DNAH6: variants seen among roughly 807,000 people sequenced by gnomAD.
DNAH6 encodes the protein dynein axonemal heavy chain 6.
A neutral mutation model predicts 491.4 loss-of-function variants in DNAH6; 340 were observed. The observed-to-expected ratio is 0.69, with a 90% CI of 0.63 to 0.76. DNAH6 has a LOEUF of 0.76. DNAH6 is among the 30% of genes least tolerant of loss of function. The pLI is 0.00. For synonymous variants in DNAH6, 1,603 were observed against 1,686.1 expected, an observed-to-expected ratio of 0.95 and a Z score of 1.21; for missense variants, 4,443 against 4,972.2, an observed-to-expected ratio of 0.89 and a Z score of 3.20.
chr2:84,667,253 C>T (rs1260847565), intron 37 of DNAH6, among the ~76,000 whole-genome samples: 3 of 152,118 alleles, frequency 2.0e-5, no homozygotes, highest in African/African-American at 7.2e-5. Context: ...CAAATGGGAT[C>T]TAATTAAACT....
rs1473942203 is a variant in DNAH6 at position 84,611,912 on chromosome 2, T to G, written c.3475+58T>G. 5 of 1,428,978 alleles carry G rather than the reference T, an allele frequency of 3.5e-6. No individual in the cohort carries two copies. In the East Asian group the frequency reaches 1.2e-4, roughly 36 times the overall value. 88.5% of individuals were successfully genotyped at this position (1,428,978 alleles called of 1,614,324 possible). On this transcript the variant is annotated intron_variant, in intron 22 of 76. Coordinates refer to ENST00000389394, the MANE Select transcript of DNAH6 (RefSeq NM_001370.2). Reference sequence around the variant, plus strand: ...CTACAATCTTTTAGTAGTCTGGGACTTTAGTCCCAGACTAAAATGTTTCTC... The same window carrying G: ...CTACAATCTTTTAGTAGTCTGGGACGTTAGTCCCAGACTAAAATGTTTCTC...
At chr2:84,815,563 A>G (rs143819084) in intron 75 of DNAH6, among the ~76,000 whole-genome samples, 8 of 152,298 alleles carry the variant, frequency 5.3e-5, no homozygotes, top group Middle Eastern at 3.4e-3. Flanking sequence ...ATTATTGCAG[A>G]TATATAATCT....
chr2:84,507,184 C>A, the DNAH6 span, among the ~76,000 whole-genome samples: 5 of 152,094 alleles, frequency 3.3e-5, no homozygotes, highest in African/African-American at 1.2e-4. Flanking sequence ...AATATTGATT[C>A]TTCCTACCCA....
chr2:84,798,808 C>T (rs780088563), intron 70 of DNAH6, among the ~76,000 whole-genome samples: 10 of 152,146 alleles, frequency 6.6e-5, no homozygotes, highest in Non-Finnish European at 4.4e-5. Context: ...CAGTGCTTGA[C>T]CCCTAGGGGC....
At chr2:84,643,143 G>A (rs1314892957) in intron 33 of DNAH6, among the ~76,000 whole-genome samples, 1 of 152,112 alleles carries the variant, frequency 6.6e-6, no homozygotes, top group Non-Finnish European at 1.5e-5. Flanking sequence ...ATTTCACAGG[G>A]TACAGAATTC....
At chr2:84,727,283 G>C (rs777953079) in intron 60 of DNAH6, among the ~76,000 whole-genome samples, 4 of 152,092 alleles carry the variant, frequency 2.6e-5, no homozygotes, top group Non-Finnish European at 4.4e-5. Flanking sequence ...AGAAAGGGGA[G>C]TGTAGAAAAC....
At chr2:84,751,539 T>G (rs1673475105) in intron 63 of DNAH6, among the ~76,000 whole-genome samples, 1 of 152,226 alleles carries the variant, frequency 6.6e-6, no homozygotes, top group African/African-American at 2.4e-5. Context: ...ATAGGCTCAT[T>G]AGAACTGCAA....
the DNAH6 span, among the ~76,000 whole-genome samples, chr2:84,464,203 G>C: frequency 6.6e-6 from 1 of 152,118 alleles, no homozygotes; most frequent in Admixed American, 6.5e-5. Flanking sequence ...GGCCTGTTTT[G>C]CTCTGATTCT....
At chr2:84,695,511 G>C (rs1207586244) in intron 46 of DNAH6, among the ~76,000 whole-genome samples, 2 of 152,066 alleles carry the variant, frequency 1.3e-5, no homozygotes, top group African/African-American at 2.4e-5. Context: ...AAAGTTGCAT[G>C]TATAAGAATA....
At chr2:84,616,847 A>T in intron 22 of DNAH6, 39 bp from the exon 23 acceptor site, 1 of 1,143,712 alleles carries the variant, frequency 8.7e-7, no homozygotes, top group Non-Finnish European at 1.2e-6. Flanking sequence ...ATTTGATTTT[A>T]ACACAGTTTT....
intron 30 of DNAH6, among the ~76,000 whole-genome samples, chr2:84,636,502 G>C (rs1688889655): frequency 6.6e-6 from 1 of 152,128 alleles, no homozygotes; most frequent in Non-Finnish European, 1.5e-5. Flanking sequence ...AGTTTCTGGA[G>C]ATCTCAAGAG....
In DNAH6 at chr2:84,624,297, C is replaced by T. The variant is rs1687655010; in HGVS notation, c.4104C>T (p.Gly1368=). ...ATGCCCTAGCTGCAATAGTTCAAGG[C>T]AGTCTTCCTAAATTACACAGAAACA... The part of the protein sequence containing the change: ...RLNALAAIVQ[G]SLPKLHRNIL... The change falls in exon 27 of 77, where the codon GGC becomes GGT. Residue 1368 remains glycine, a synonymous_variant. Transcript: ENST00000389394. 1.3e-6 allele frequency: 2 copies of T among 1,550,778 alleles called. No individual in the cohort carries two copies. Among genetic ancestry groups the T allele is most frequent in the African/African-American group, 2.7e-5 (2 of 73,012 alleles).
intron 64 of DNAH6, among the ~76,000 whole-genome samples, chr2:84,766,439 A>G (rs1359916949): frequency 1.3e-5 from 2 of 152,206 alleles, no homozygotes; most frequent in Non-Finnish European, 2.9e-5. Flanking sequence ...TGTTAAAGGG[A>G]AAACAAAATG....
At chr2:84,595,883 G>GT in intron 18 of DNAH6, 94 bp downstream of exon 18, 3 of 1,280,260 alleles carry the variant, frequency 2.3e-6, no homozygotes, top group South Asian at 3.8e-5. Context: ...CCCTGATTAA[G>GT]TTAGTCAGCT....
At chr2:84,470,677 A>G in the DNAH6 span, among the ~76,000 whole-genome samples, 4 of 152,172 alleles carry the variant, frequency 2.6e-5, no homozygotes, top group African/African-American at 7.2e-5. Context: ...CTGACCTCGT[A>G]TCTCATCCTG....
chr2:84,599,775 T>C (rs2104235999), intron 18 of DNAH6, among the ~76,000 whole-genome samples: 1 of 152,320 alleles, frequency 6.6e-6, no homozygotes, highest in South Asian at 2.1e-4. Flanking sequence ...AGCTAGTAAG[T>C]GTTGAAATCA....
intron 7 of DNAH6, 135 bp downstream of exon 7, chr2:84,547,747 AAATTT>A (rs2104540731): frequency 1.0e-6 from 1 of 980,466 alleles, no homozygotes; most frequent in East Asian, 2.6e-5. Context: ...TGGATATTAT[AAATTT>A]AATGTATTTT....
intron 67 of DNAH6, 70 bp from the exon 68 acceptor site, chr2:84,787,094 G>C: frequency 1.1e-5 from 14 of 1,223,516 alleles, no homozygotes; most frequent in Non-Finnish European, 1.6e-5. Flanking sequence ...TTTCTTTTTA[G>C]TTTCCAGTAT....
chr2:84,634,713 T>G, intron 30 of DNAH6, 72 bp downstream of exon 30: 1 of 1,395,626 alleles, frequency 7.2e-7, no homozygotes. Flanking sequence ...AATGTTACAT[T>G]TTAGGAAGGA....
Sources: allele counts gnomAD v4.1 joint callset (sites outside exome capture counted in the v4.1 genomes callset), GRCh38; gene constraint gnomAD v4.1.1; transcripts MANE v1.5; gene names NCBI Gene and HGNC (gene_info 2026-07-23, HGNC 2026-07-21).